Variants in SPATA17 observed in about 807,000 individuals in gnomAD.
SPATA17 encodes spermatogenesis associated 17, also known as spermatogenesis-associated protein 17.
In SPATA17, 53 loss-of-function variants were observed where a neutral mutation model predicts 62.2. That is an observed-to-expected ratio of 0.85 (90% CI 0.68 to 1.07). The LOEUF (loss-of-function observed/expected upper bound fraction) is 1.07, where lower values mean the gene tolerates loss of function less well. Ranked by LOEUF, SPATA17 falls within the 50% of genes least tolerant of loss-of-function variation. The pLI, the probability that SPATA17 is intolerant of heterozygous loss-of-function variation, is 0.00. For synonymous variants in SPATA17, 146 were observed against 146.8 expected (o/e 0.99, Z 0.04); for missense variants, 466 against 425.5 (o/e 1.10, Z -0.84).
At chr1:217,822,051 C>T (rs934161239) in intron 9 of SPATA17, among the ~76,000 whole-genome samples, 5 of 152,028 alleles carry the variant, frequency 3.3e-5, no homozygotes, top group Non-Finnish European at 7.4e-5. Context: ...ATAGGGTAGC[C>T]CCCTGCAGTG....
chr1:217,658,168 T>G lies in SPATA17; in HGVS notation c.240+6990T>G, dbSNP rs181999842. On this transcript the variant is annotated intron_variant, in intron 3 of 10. Transcript: ENST00000366933. ...CCCCTCTAAATCTCATGTTGAAATA[T>G]AACCCAGTGTTGGAGGTGGGGCCTG... Among the ~76,000 whole-genome samples the G allele has an allele frequency of 7.2e-5, 11 of 152,324 alleles. No homozygotes were observed. The Middle Eastern group carries it at 0.01, about 141-fold the overall frequency.
chr1:217,653,380 C>T (rs114185563), intron 3 of SPATA17, among the ~76,000 whole-genome samples: 2,675 of 152,018 alleles, frequency 0.018, 39 homozygotes, highest in Non-Finnish European at 0.028. Context: ...GATTCACCAT[C>T]AATCCATCTA....
chr1:217,852,502 G>A (rs1675689484), intron 9 of SPATA17, among the ~76,000 whole-genome samples: 1 of 152,150 alleles, frequency 6.6e-6, no homozygotes, highest in South Asian at 2.1e-4. Context: ...GGATTTGACA[G>A]TGCCTTTTGA....
At chr1:217,698,903 C>G (rs975666217) in intron 5 of SPATA17, among the ~76,000 whole-genome samples, 5 of 152,194 alleles carry the variant, frequency 3.3e-5, no homozygotes, top group Admixed American at 6.5e-5. Flanking sequence ...CTTCTGCCAA[C>G]CATTCATCTG....
At chr1:217,699,374 T>G in intron 5 of SPATA17, among the ~76,000 whole-genome samples, 1 of 152,324 alleles carries the variant, frequency 6.6e-6, no homozygotes, top group Non-Finnish European at 1.5e-5. Flanking sequence ...ATTTATTATT[T>G]TTATGTTTAA....
intron 5 of SPATA17, among the ~76,000 whole-genome samples, chr1:217,699,921 A>G (rs1206561626): frequency 6.6e-6 from 1 of 152,046 alleles, no homozygotes; most frequent in African/African-American, 2.4e-5. Context: ...TGAAGAGGCT[A>G]TCTTTCCTTC....
chr1:217,824,330 CACA>C (rs1674936707), intron 9 of SPATA17, among the ~76,000 whole-genome samples: 1 of 151,308 alleles, frequency 6.6e-6, no homozygotes, highest in Non-Finnish European at 1.5e-5. Context: ...ATATTATGTT[CACA>C]GTTTTGTATA....
chr1:217,831,825 A>G (rs1272960959), intron 9 of SPATA17, among the ~76,000 whole-genome samples: 1 of 152,144 alleles, frequency 6.6e-6, no homozygotes, highest in Non-Finnish European at 1.5e-5. Context: ...AGCATTTACC[A>G]TATACTTGTT....
At chr1:217,727,534 T>C (rs1176916687) in intron 5 of SPATA17, among the ~76,000 whole-genome samples, 2 of 152,104 alleles carry the variant, frequency 1.3e-5, no homozygotes, top group Non-Finnish European at 2.9e-5. Flanking sequence ...AGGGGCTATG[T>C]ATTATTTTTT....
chr1:217,753,464 T>G (rs1672964446), intron 6 of SPATA17, among the ~76,000 whole-genome samples: 2 of 152,122 alleles, frequency 1.3e-5, no homozygotes, highest in Non-Finnish European at 2.9e-5. Flanking sequence ...GTTCTTTCTC[T>G]TTTTTTAAAT....
intron 6 of SPATA17, among the ~76,000 whole-genome samples, chr1:217,762,915 C>A (rs1348851917): frequency 6.6e-6 from 1 of 152,094 alleles, no homozygotes; most frequent in Non-Finnish European, 1.5e-5. Context: ...GTGGTTGCCA[C>A]TGCATTCCAT....
At chr1:217,676,096 A>G (rs915973569) in intron 4 of SPATA17, among the ~76,000 whole-genome samples, 1 of 152,174 alleles carries the variant, frequency 6.6e-6, no homozygotes, top group African/African-American at 2.4e-5. Context: ...GAGTAAGTTG[A>G]GGCATTCCAA....
intron 9 of SPATA17, among the ~76,000 whole-genome samples, chr1:217,808,367 ACACACACACACACACC>A (rs1021596984): frequency 2.1e-5 from 2 of 95,082 alleles, no homozygotes; most frequent in African/African-American, 6.3e-5. Context: ...ACACACACAC[ACACACACACACACACC>A]CCCCTCAGAA....
chr1:217,810,150 G>A (rs1229576855), intron 9 of SPATA17, among the ~76,000 whole-genome samples: 1 of 152,006 alleles, frequency 6.6e-6, no homozygotes, highest in Non-Finnish European at 1.5e-5. Flanking sequence ...ATATTCTGAG[G>A]TATTTTTTGA....
chr1:217,709,231 A>G (rs907343904), intron 5 of SPATA17, among the ~76,000 whole-genome samples: 5 of 152,220 alleles, frequency 3.3e-5, no homozygotes, highest in Non-Finnish European at 7.3e-5. Context: ...TACTCAAAGC[A>G]GTTTGAAACT....
intron 5 of SPATA17, among the ~76,000 whole-genome samples, chr1:217,737,611 G>T (rs1443363987): frequency 6.6e-6 from 1 of 152,044 alleles, no homozygotes; most frequent in Admixed American, 6.5e-5. Context: ...AATCCAGGCT[G>T]GGGGCAGGAT....
intron 8 of SPATA17, among the ~76,000 whole-genome samples, chr1:217,799,447 ATTAG>A (rs1206328285): frequency 6.6e-6 from 1 of 152,150 alleles, no homozygotes; most frequent in African/African-American, 2.4e-5. Context: ...TTGGGGCCAC[ATTAG>A]TTTGTTTGTG....
chr1:217,861,330 ACTT>A (rs1302581689), intron 9 of SPATA17, among the ~76,000 whole-genome samples: 1 of 150,742 alleles, frequency 6.6e-6, no homozygotes, highest in East Asian at 1.9e-4. Context: ...CTCACTGAAA[ACTT>A]CTTTTAACAT....
At chr1:217,799,960 C>G (rs1571813565) in intron 8 of SPATA17, among the ~76,000 whole-genome samples, 1 of 151,892 alleles carries the variant, frequency 6.6e-6, no homozygotes, top group Admixed American at 6.6e-5. Flanking sequence ...CCACTTTTCT[C>G]TAAATGTTTC....
Sources: allele counts gnomAD v4.1 joint callset (sites outside exome capture counted in the v4.1 genomes callset), GRCh38; gene constraint gnomAD v4.1.1; transcripts MANE v1.5; gene names NCBI Gene and HGNC (gene_info 2026-07-23, HGNC 2026-07-21).